DVL1: variants seen among roughly 807,000 people sequenced by gnomAD.
The protein encoded by DVL1 is segment polarity protein dishevelled homolog DVL-1.
Under a neutral mutation model 65.0 loss-of-function variants are expected in DVL1, and 49 were observed. That is an observed-to-expected ratio of 0.75 (90% CI 0.60 to 0.96). DVL1 has a LOEUF of 0.96. Among genes scored for constraint, DVL1 ranks in the 40% least tolerant of loss-of-function variants. The pLI is 0.00. For synonymous variants in DVL1, 608 were observed against 433.9 expected, an observed-to-expected ratio of 1.40 and a Z score of -4.99; for missense variants, 1,197 against 1,045.4, an observed-to-expected ratio of 1.15 and a Z score of -2.00.
rs1021697382 is a variant in DVL1 at position 1,336,167 on chromosome 1, C to T, written c.2063G>A (p.Cys688Tyr). 2.5e-6 allele frequency: 4 copies of T among 1,575,000 alleles called. No homozygotes were observed. Among genetic ancestry groups the T allele is most frequent in the Non-Finnish European group, 3.4e-6 (4 of 1,166,690 alleles). ...QSFQKAMGNP[C>Y]EFFVDIM The stretch of plus-strand genomic sequence containing the variant: ...TCACATGATGTCCACGAAGAACTCG[C>T]AGGGGTTCCCCATAGCCTTCTGGAA... Residue 688 changes from cysteine to tyrosine, a missense_variant, in exon 15 of 15, where the codon TGC becomes TAC. Physicochemically the swap from Cys to Tyr is radical, Grantham distance 194. Transcript: ENST00000378888.
chr1:1,337,505 G>A (rs1282336201), intron 14 of DVL1, among the ~76,000 whole-genome samples: 1 of 152,208 alleles, frequency 6.6e-6, no homozygotes, highest in Non-Finnish European at 1.5e-5. Flanking sequence ...CCTAGAAAGT[G>A]ACCCTGTCAG....
chr1:1,336,602 C>A, intron 14 of DVL1, 87 bp from the exon 15 acceptor site: 1 of 1,448,976 alleles, frequency 6.9e-7, no homozygotes, highest in Non-Finnish European at 9.0e-7. Flanking sequence ...GGTGACCGGG[C>A]AGGAACGGTG....
Position 1,348,637 on chromosome 1 carries a change from G to C in DVL1, c.170+259C>G, listed in dbSNP as rs570382512. On this transcript the variant is annotated intron_variant, in intron 1 of 14. Transcript: ENST00000378888. ...GATGCGGCCGACCGAGTCTGACACG[G>C]GCCAAGGCAGGACTCGGGGCCGGGA... Among the ~76,000 whole-genome samples, 127 of 152,292 alleles carry C rather than the reference G, an allele frequency of 8.3e-4. 1 individual carries two copies. Among genetic ancestry groups the C allele is most frequent in the African/African-American group, 2.9e-3 (121 of 41,566 alleles).
chr1:1,338,452 G>A lies in DVL1; in HGVS notation c.1340-16C>T, dbSNP rs773730913. On this transcript the variant is annotated splice_polypyrimidine_tract_variant and intron_variant, in intron 12 of 14. Transcript: ENST00000378888. ...ACGTCCGCCCCTGGCCGGCACCAGCGGTCAGCCCGCAGCCTCGAGGCAAGC... is the reference window on the plus strand; with the variant it reads ...ACGTCCGCCCCTGGCCGGCACCAGCAGTCAGCCCGCAGCCTCGAGGCAAGC... 2.5e-5 allele frequency: 40 copies of A among 1,608,716 alleles called. No individual in the cohort carries two copies. The highest frequency in any genetic ancestry group is 1.6e-4 in the African/African-American group (12 of 74,852).
intron 1 of DVL1, among the ~76,000 whole-genome samples, chr1:1,346,810 C>T (rs1448096133): frequency 6.6e-6 from 1 of 152,184 alleles, no homozygotes. Context: ...AGCTCCCTCT[C>T]TTATGAAGGC....
At chr1:1,336,578 AACCGCCCCCGCCAGGTG>A (rs1417384097) in intron 14 of DVL1, 63 bp from the exon 15 acceptor site, 9 of 1,465,182 alleles carry the variant, frequency 6.1e-6, no homozygotes, top group Non-Finnish European at 7.1e-6. Context: ...CGTCCAGAAC[AACCGCCCCCGCCAGGTG>A]ACCGGGCAGG....
chr1:1,346,855 C>T (rs1001724002), intron 1 of DVL1, among the ~76,000 whole-genome samples: 8 of 152,210 alleles, frequency 5.3e-5, no homozygotes, highest in Non-Finnish European at 1.5e-5. Flanking sequence ...CTTCTCTTCC[C>T]CCCATCTCCA....
At position 1,348,993 on chromosome 1, in the gene DVL1, G is replaced by A. The variant is rs1305043922; in HGVS notation, c.73C>T (p.Pro25Ser). 2 of 1,578,024 alleles carry A rather than the reference G, an allele frequency of 1.3e-6. No individual in the cohort carries two copies. Among genetic ancestry groups the A allele is most frequent in the South Asian group, 1.1e-5 (1 of 89,846 alleles). The change falls in exon 1 of 15, where the codon CCC becomes TCC. Residue 25 changes from proline (P) to serine (S), a missense_variant. Pro to Ser is a moderately conservative substitution (Grantham distance 74). Coordinates refer to ENST00000378888, the MANE Select transcript of DVL1 (RefSeq NM_001330311.2). The stretch of plus-strand genomic sequence containing the variant: ...AAGTCGGCCAGCGTGACGCGCTCGG[G>A]GGCCACGGGCAGCTTGACCAGGTAC... ...TPYLVKLPVAPERVTLADFKN... is the reference protein window; with the variant it reads ...TPYLVKLPVASERVTLADFKN...
At chr1:1,337,305 C>G (rs921383911) in intron 14 of DVL1, among the ~76,000 whole-genome samples, 6 of 152,286 alleles carry the variant, frequency 3.9e-5, no homozygotes, top group African/African-American at 1.4e-4. Context: ...CCCTGGCCTG[C>G]AGACGCCCCT....
In DVL1 at chr1:1,338,676, C is replaced by T. The variant is rs749628926; in HGVS notation, c.1208-23G>A. ...GCTCTGCAAAGCACAGACAGCCCCG[C>T]TTCAGCCCCAGCATCTGAAGGCGGG... On this transcript the variant is annotated intron_variant, in intron 11 of 14. Coordinates refer to ENST00000378888, the MANE Select transcript of DVL1 (RefSeq NM_001330311.2). 5 of 1,601,912 alleles carry T rather than the reference C, an allele frequency of 3.1e-6. No homozygotes were observed. The South Asian group carries it at 5.5e-5, about 18-fold the overall frequency.
At chr1:1,337,399 C>T (rs1193137239) in intron 14 of DVL1, among the ~76,000 whole-genome samples, 1 of 152,188 alleles carries the variant, frequency 6.6e-6, no homozygotes, top group Non-Finnish European at 1.5e-5. Context: ...GGCCCCTAAA[C>T]ACACCCCAGC....
In DVL1 at chr1:1,348,930, T is replaced by C; in HGVS notation, c.136A>G (p.Lys46Glu). The C allele has an allele frequency of 6.4e-7, 1 of 1,571,542 alleles. No homozygotes were observed. Among genetic ancestry groups the C allele is most frequent in the East Asian group, 2.4e-5 (1 of 40,986 alleles). ...TGGTCCATGGACTTAAAGAAGAATT[T>C]GTAGGCGTGCACGGGCCGGTTGCTG... ...VLSNRPVHAY[K>E]FFFKSMDQDF... Residue 46 changes from lysine (K) to glutamate (E), a missense_variant, in exon 1 of 15, where the codon AAA becomes GAA. By Grantham distance (56) the Lys-to-Glu change is moderately conservative. Coordinates refer to ENST00000378888, the MANE Select transcript of DVL1 (RefSeq NM_001330311.2).
chr1:1,348,863 G>A (rs769968917), intron 1 of DVL1, 33 bp downstream of exon 1: 8 of 1,488,552 alleles, frequency 5.4e-6, no homozygotes, highest in Non-Finnish European at 7.2e-6. Flanking sequence ...CCGAGCCCGC[G>A]CCAGGCTCGC....
rs763328334 is a variant in DVL1, at chr1:1,341,820, G to A, written c.467-15C>T. The A allele has an allele frequency of 2.6e-5, 41 of 1,564,902 alleles. No homozygotes were observed. In the Middle Eastern group the frequency reaches 5.1e-4, roughly 19 times the overall value. On this transcript the variant is annotated splice_polypyrimidine_tract_variant and intron_variant, in intron 4 of 14. Transcript: ENST00000378888. ...GGTCCGGGCGGCTGTGGGGGCAGCA[G>A]GTTGGGAACTGACTGCAGGGTCTCC...
Position 1,340,417 on chromosome 1 carries a change from GCCTGCCGAAGGCGCTGCTT to G in DVL1, c.673_691del (p.Lys225ArgfsTer10). ...CTCCACCCGGCTGCCTACCCGGTCC[GCCTGCCGAAGGCGCTGCTT>G]CCTCCGCCGGCGTTTGTGCTTCCGG... On this transcript the variant is annotated frameshift_variant, in exon 6 of 15. Transcript: ENST00000378888. LOFTEE classifies it high-confidence loss of function. 1 of 1,606,992 alleles carries G rather than the reference GCCTGCCGAAGGCGCTGCTT, an allele frequency of 6.2e-7. No individual in the cohort carries two copies. Among genetic ancestry groups the G allele is most frequent in the Non-Finnish European group, 8.5e-7 (1 of 1,177,816 alleles).
chr1:1,347,634 A>G (rs1296940207), intron 1 of DVL1, among the ~76,000 whole-genome samples: 2 of 152,252 alleles, frequency 1.3e-5, no homozygotes, highest in African/African-American at 4.8e-5. Context: ...AAACAAAAGT[A>G]CCTGACACAT....
intron 13 of DVL1, 40 bp downstream of exon 13, chr1:1,338,229 T>TTGCCCACC: frequency 1.3e-6 from 2 of 1,522,372 alleles, no homozygotes; most frequent in Non-Finnish European, 1.8e-6. Flanking sequence ...CCTCCGGCGT[T>TTGCCCACC]CCCCTCCCCC....
rs372041252 is a variant in DVL1 at position 1,336,373 on chromosome 1, A to C, written c.1857T>G (p.Arg619=). Reference sequence around the variant, plus strand: ...TGCCACGGCTGAGCTGGCCGGCCGGACGCTCTCGCCAGCTGCTCCCCACCC... The same window carrying C: ...TGCCACGGCTGAGCTGGCCGGCCGGCCGCTCTCGCCAGCTGCTCCCCACCC... ...PSGVGSSWRE[R]PAGQLSRGSS... Residue 619 remains arginine, a synonymous_variant, in exon 15 of 15, where the codon CGT becomes CGG. Transcript: ENST00000378888. 1.1e-4 allele frequency: 175 copies of C among 1,597,824 alleles called. 3 individuals are homozygous for C. Among genetic ancestry groups the C allele is most frequent in the Middle Eastern group, 8.3e-4 (5 of 5,996 alleles).
At chr1:1,341,022 A>AATGCACCCCTGCACAC (rs1643794783) in intron 5 of DVL1, among the ~76,000 whole-genome samples, 2 of 125,752 alleles carry the variant, frequency 1.6e-5, no homozygotes, top group African/African-American at 6.5e-5. Flanking sequence ...ACCCCTGCAC[A>AATGCACCCCTGCACAC]ATGCACCCCT....
Sources: gnomAD v4.1 joint callset for allele counts (sites outside exome capture counted in the v4.1 genomes callset) on GRCh38, gnomAD v4.1.1 for gene constraint, MANE v1.5 for transcripts, NCBI Gene and HGNC (gene_info 2026-07-23, HGNC 2026-07-21) for gene names.